CCDC57: variants seen among roughly 807,000 people sequenced by gnomAD.
The protein encoded by CCDC57 is coiled-coil domain-containing protein 57.
Under a neutral mutation model 118.9 loss-of-function variants are expected in CCDC57, and 118 were observed. The observed-to-expected ratio is 0.99, with a 90% CI of 0.86 to 1.16. The LOEUF is 1.16. Ranked by LOEUF, CCDC57 falls within the 50% of genes most tolerant of loss-of-function variation. The probability of loss-of-function intolerance (pLI) is 0.00; values close to 1 mark genes in which losing one functional copy is unlikely to be tolerated. For synonymous variants in CCDC57, 527 were observed against 532.9 expected (o/e 0.99, Z 0.15); for missense variants, 1,300 against 1,320.7 (o/e 0.98, Z 0.24).
At chr17:82,165,764 G>A (rs1203291156) in intron 13 of CCDC57, among the ~76,000 whole-genome samples, 6 of 152,236 alleles carry the variant, frequency 3.9e-5, no homozygotes, top group South Asian at 2.1e-4. Context: ...CGGGCCTGGC[G>A]GGGGACACTG....
intron 16 of CCDC57, among the ~76,000 whole-genome samples, chr17:82,138,620 C>G (rs908486922): frequency 6.6e-6 from 1 of 152,104 alleles, no homozygotes; most frequent in African/African-American, 2.4e-5. Flanking sequence ...ATGAGTGCCA[C>G]GGGAAGACTG....
intron 9 of CCDC57, among the ~76,000 whole-genome samples, chr17:82,183,197 G>T (rs2046422986): frequency 1.3e-5 from 2 of 152,192 alleles, no homozygotes; most frequent in African/African-American, 4.8e-5. Context: ...AGTTAAAATG[G>T]ATGAGTTTAG....
chr17:82,121,206 T>G (rs183802346), intron 19 of CCDC57, among the ~76,000 whole-genome samples: 1 of 152,250 alleles, frequency 6.6e-6, no homozygotes, highest in Non-Finnish European at 1.5e-5. Flanking sequence ...TGCAACACAG[T>G]GAGACCGTGT....
chr17:82,130,178 G>A (rs1008130062), intron 17 of CCDC57, among the ~76,000 whole-genome samples: 5 of 152,086 alleles, frequency 3.3e-5, no homozygotes, highest in African/African-American at 9.7e-5. Flanking sequence ...TCCAGCCTGG[G>A]GAGCAGAGAC....
intron 16 of CCDC57, among the ~76,000 whole-genome samples, chr17:82,149,743 GCACCCAGAACCAGGCGCA>G (rs2041593597): frequency 7.1e-6 from 1 of 139,958 alleles, no homozygotes; most frequent in Non-Finnish European, 1.6e-5. Context: ...AACCTGACCC[GCACCCAGAACCAGGCGCA>G]CACCCAGAAC....
intron 7 of CCDC57, among the ~76,000 whole-genome samples, chr17:82,190,427 T>C (rs2047523084): frequency 6.6e-6 from 1 of 151,996 alleles, no homozygotes; most frequent in African/African-American, 2.4e-5. Flanking sequence ...CTGGGTGTGG[T>C]GCTCACCCCT....
chr17:82,128,282 C>A (rs6502061), intron 18 of CCDC57, among the ~76,000 whole-genome samples: 2 of 152,022 alleles, frequency 1.3e-5, no homozygotes, highest in East Asian at 3.9e-4. Context: ...TTAGGGGTCC[C>A]GGGGCCCTCC....
chr17:82,203,330 G>A (rs560861466), intron 2 of CCDC57, among the ~76,000 whole-genome samples: 11 of 152,236 alleles, frequency 7.2e-5, no homozygotes, highest in East Asian at 3.9e-4. Context: ...CAGGAGAACC[G>A]TGAGCCAATT....
rs2047763569 is a variant in CCDC57, at chr17:82,192,273, T to G, written c.851+1483A>C. 6.6e-6 allele frequency among the ~76,000 whole-genome samples: 1 copy of G among 152,104 alleles called. No individual in the cohort carries two copies. Among genetic ancestry groups the G allele is most frequent in the African/African-American group, 2.4e-5 (1 of 41,414 alleles). On this transcript the variant is annotated intron_variant, in intron 7 of 19. Coordinates refer to ENST00000665763, the Ensembl canonical transcript of CCDC57. The surrounding 1 kb of genome is among the most constrained non-coding windows in gnomAD (Gnocchi z 4.0). ...GTGCTGTGTGATTATTTTAATGACA[T>G]TTTCTTTCCTCTAGCTAGCATTACT...
chr17:82,128,635 A>C (rs1203082886), intron 17 of CCDC57, 38 bp from the exon 17 acceptor site: 27 of 1,461,922 alleles, frequency 1.8e-5, no homozygotes, highest in Non-Finnish European at 2.2e-5. Context: ...TCTGGTATTC[A>C]CATGTACTGA....
chr17:82,142,989 AC>A (rs1345098984), intron 16 of CCDC57, among the ~76,000 whole-genome samples: 1 of 152,050 alleles, frequency 6.6e-6, no homozygotes, highest in Non-Finnish European at 1.5e-5. Context: ...ACATGGAGAA[AC>A]CCCGTCTCTA....
chr17:82,152,905 G>A (rs540227945), intron 15 of CCDC57, among the ~76,000 whole-genome samples: 17 of 152,334 alleles, frequency 1.1e-4, no homozygotes, highest in South Asian at 2.1e-4. Context: ...CGGGGGCCGC[G>A]GGGGATGACA....
intron 16 of CCDC57, among the ~76,000 whole-genome samples, chr17:82,143,505 G>A (rs919818294): frequency 2.0e-5 from 3 of 151,412 alleles, no homozygotes; most frequent in South Asian, 2.1e-4. Flanking sequence ...CACCCCACAC[G>A]TGCACACACC....
chr17:82,178,968 C>T, intron 10 of CCDC57, 59 bp downstream of exon 9: 2 of 1,569,214 alleles, frequency 1.3e-6, no homozygotes, highest in Non-Finnish European at 1.7e-6. Flanking sequence ...ACCCGTCCTG[C>T]CCAGCCCCAC....
chr17:82,188,559 G>A, intron 7 of CCDC57, 140 bp from the exon 7 acceptor site: 4 of 846,788 alleles, frequency 4.7e-6, no homozygotes, highest in Non-Finnish European at 7.1e-6. Context: ...GCAGCCACCT[G>A]GCCACCTGTT....
intron 19 of CCDC57, among the ~76,000 whole-genome samples, chr17:82,122,949 C>T (rs118041746): frequency 0.013 from 1,974 of 152,280 alleles, 22 homozygotes; most frequent in Middle Eastern, 0.078. Flanking sequence ...CCCATCCTCT[C>T]CCCAAGCCGG....
chr17:82,150,299 G>A (rs1448601016), intron 16 of CCDC57, among the ~76,000 whole-genome samples: 2 of 96,528 alleles, frequency 2.1e-5, no homozygotes, highest in African/African-American at 8.1e-5. Context: ...AGAACCTGGT[G>A]CACACCCAGA....
chr17:82,128,432 C>T, intron 18 of CCDC57, 61 bp downstream of exon 17: 1 of 1,247,096 alleles, frequency 8.0e-7, no homozygotes. Context: ...CACCCAGGCC[C>T]CGGCTTCCCT....
intron 11 of CCDC57, among the ~76,000 whole-genome samples, chr17:82,177,533 G>A (rs563285355): frequency 1.7e-4 from 26 of 152,264 alleles, no homozygotes; most frequent in Middle Eastern, 3.4e-3. Context: ...GGGCAACAAA[G>A]CGAGACCGAG....
Sources: gnomAD v4.1 joint callset for allele counts (sites outside exome capture counted in the v4.1 genomes callset) on GRCh38, gnomAD v4.1.1 for gene constraint, Gnocchi (gnomAD v3.1) non-coding constraint, MANE v1.5 for transcripts, NCBI Gene and HGNC (gene_info 2026-07-23, HGNC 2026-07-21) for gene names.